The following MAP7 variants were observed in gnomAD, a reference collection of about 807,000 sequenced individuals.
MAP7 encodes the protein microtubule associated protein 7.
Under a neutral mutation model 94.8 loss-of-function variants are expected in MAP7, and 52 were observed. The ratio of observed to expected loss-of-function variants is 0.55; its 90% CI spans 0.44 to 0.69. The LOEUF is 0.69. Among genes scored for constraint, MAP7 ranks in the 30% least tolerant of loss-of-function variants. The pLI, the probability that MAP7 is intolerant of heterozygous loss-of-function variation, is 0.00. For missense variants in MAP7, 940 were observed against 964.6 expected (o/e 0.97, Z 0.34); for synonymous variants, 350 against 357.0 (o/e 0.98, Z 0.22).
intron 7 of MAP7, among the ~76,000 whole-genome samples, chr6:136,374,435 G>A (rs1257416620): frequency 6.6e-6 from 1 of 152,172 alleles, no homozygotes; most frequent in African/African-American, 2.4e-5. Flanking sequence ...ATTAATAACC[G>A]GGGGCAGAGG....
chr6:136,346,943 T>C (rs1787871625), intron 16 of MAP7, among the ~76,000 whole-genome samples: 1 of 152,214 alleles, frequency 6.6e-6, no homozygotes, highest in Admixed American at 6.5e-5. Flanking sequence ...ATTTCATATG[T>C]AAATTTTTGA....
intron 1 of MAP7, among the ~76,000 whole-genome samples, chr6:136,507,696 G>A (rs1821996371): frequency 6.6e-6 from 1 of 152,078 alleles, no homozygotes; most frequent in Non-Finnish European, 1.5e-5. Context: ...GCCTGATTAG[G>A]CACAGTTACA....
chr6:136,484,336 G>T (rs1813932711), intron 1 of MAP7, among the ~76,000 whole-genome samples: 1 of 152,136 alleles, frequency 6.6e-6, no homozygotes, highest in South Asian at 2.1e-4. Flanking sequence ...TTGAATTATG[G>T]AGTAAAGGCT....
At chr6:136,435,781 G>A (rs1238348909) in intron 1 of MAP7, among the ~76,000 whole-genome samples, 1 of 152,120 alleles carries the variant, frequency 6.6e-6, no homozygotes, top group African/African-American at 2.4e-5. Flanking sequence ...AAAATTTGAG[G>A]AAGCAAGAAA....
chr6:136,530,834 C>T (rs901197660), intron 1 of MAP7, among the ~76,000 whole-genome samples: 4 of 144,654 alleles, frequency 2.8e-5, no homozygotes, highest in African/African-American at 1.1e-4. Context: ...TAAATACTGC[C>T]CTAGTAGCGG....
intron 6 of MAP7, among the ~76,000 whole-genome samples, chr6:136,382,578 G>A (rs779179324): frequency 6.6e-6 from 1 of 152,018 alleles, no homozygotes; most frequent in Non-Finnish European, 1.5e-5. Flanking sequence ...GGCAAATTAG[G>A]TTAAAAAAAC....
At chr6:136,406,175 T>G (rs1385480860) in intron 3 of MAP7, among the ~76,000 whole-genome samples, 1 of 152,138 alleles carries the variant, frequency 6.6e-6, no homozygotes, top group Non-Finnish European at 1.5e-5. Context: ...CCAGGATCGA[T>G]TCTAAGTTCA....
chr6:136,459,610 C>T lies in MAP7; in HGVS notation c.68-37811G>A, dbSNP rs543380549. Among the ~76,000 whole-genome samples, 12 of 152,202 alleles carry T rather than the reference C, an allele frequency of 7.9e-5. No individual in the cohort carries two copies. In the South Asian group the frequency reaches 2.5e-3, roughly 32 times the overall value. Reference sequence around the variant, plus strand: ...GAAAGAAATCCTGCCATATGGATATCTCTATTGGACATTATGCTATGTGAA... The same window carrying T: ...GAAAGAAATCCTGCCATATGGATATTTCTATTGGACATTATGCTATGTGAA... On this transcript the variant is annotated intron_variant, in intron 1 of 17. Coordinates refer to ENST00000354570, the MANE Select transcript of MAP7 (RefSeq NM_003980.6).
At chr6:136,353,582 C>A (rs1789850662) in intron 16 of MAP7, among the ~76,000 whole-genome samples, 1 of 152,142 alleles carries the variant, frequency 6.6e-6, no homozygotes, top group African/African-American at 2.4e-5. Context: ...GAGACAGGGT[C>A]TCGCTCTGTC....
chr6:136,470,374 T>C (rs1808559629), intron 1 of MAP7, among the ~76,000 whole-genome samples: 1 of 152,096 alleles, frequency 6.6e-6, no homozygotes, highest in South Asian at 2.1e-4. Context: ...ATTTAGGGTG[T>C]ACAACATAAT....
chr6:136,527,137 T>C (rs1385885239), intron 1 of MAP7, among the ~76,000 whole-genome samples: 1 of 152,218 alleles, frequency 6.6e-6, no homozygotes, highest in Non-Finnish European at 1.5e-5. Flanking sequence ...TGCTGAGCAA[T>C]GCTCAACACT....
At chr6:136,391,894 C>T (rs1278477488) in intron 3 of MAP7, among the ~76,000 whole-genome samples, 2 of 152,162 alleles carry the variant, frequency 1.3e-5, no homozygotes. Context: ...TGACATTAAA[C>T]ATTTTAAATC....
chr6:136,399,109 G>A (rs892931811), intron 3 of MAP7, among the ~76,000 whole-genome samples: 13 of 152,222 alleles, frequency 8.5e-5, no homozygotes, highest in Non-Finnish European at 5.9e-5. Flanking sequence ...GGCTACCAGA[G>A]TAGCCAGTAA....
At chr6:136,468,068 C>G (rs555460348) in intron 1 of MAP7, among the ~76,000 whole-genome samples, 11 of 152,288 alleles carry the variant, frequency 7.2e-5, no homozygotes, top group African/African-American at 2.6e-4. Context: ...ACCACCCCTA[C>G]AGCCCCAGAG....
intron 1 of MAP7, among the ~76,000 whole-genome samples, chr6:136,507,059 G>GA (rs1725944211): frequency 6.6e-6 from 1 of 152,080 alleles, no homozygotes; most frequent in Non-Finnish European, 1.5e-5. Context: ...GATTCTGGAC[G>GA]CTGCCTGATT....
rs796840645 is a variant in MAP7, at chr6:136,530,109, A to G, written c.67+20233T>C. ...AGCACACTCCATGAATGAATCCAAG[A>G]AATCTGCTTAACCAGTGAGAAACAT... is the stretch of plus-strand genomic sequence containing the variant. On this transcript the variant is annotated intron_variant, in intron 1 of 17. Transcript: ENST00000354570. Among the ~76,000 whole-genome samples the G allele has an allele frequency of 1.4e-4, 22 of 152,364 alleles. 1 individual carries two copies. The highest frequency in any genetic ancestry group is 5.3e-4 in the African/African-American group (22 of 41,594).
rs1791092559 is a variant in MAP7 at position 136,356,787 on chromosome 6, A to C, written c.1920T>G (p.Ser640=). The C allele has an allele frequency of 6.2e-7, 1 of 1,613,668 alleles. No individual in the cohort carries two copies. ...GAGCGTTTGTTGTACATGGAAGTGC[A>C]GACACCTCTGGGCATAGTAAAGGAG... ...KGALTGGTEV[S]ALPCTTNAPG... The change falls in exon 16 of 18, where the codon TCT becomes TCG. Residue 640 remains serine (S), a synonymous_variant. Transcript: ENST00000354570.
chr6:136,414,779 C>A (rs1164146530), intron 2 of MAP7, among the ~76,000 whole-genome samples: 1 of 150,626 alleles, frequency 6.6e-6, no homozygotes, highest in Non-Finnish European at 1.5e-5. Context: ...GTAGCTGAGA[C>A]TGCAGGTGTG....
At chr6:136,348,569 C>T (rs372976706) in intron 16 of MAP7, among the ~76,000 whole-genome samples, 5 of 152,286 alleles carry the variant, frequency 3.3e-5, no homozygotes, top group African/African-American at 7.2e-5. Flanking sequence ...GAAGACCGCA[C>T]GCTTTGCTCC....
Sources: gnomAD v4.1 joint callset for allele counts (sites outside exome capture counted in the v4.1 genomes callset) on GRCh38, gnomAD v4.1.1 for gene constraint, MANE v1.5 for transcripts, NCBI Gene and HGNC (gene_info 2026-07-23, HGNC 2026-07-21) for gene names.